Variants in SMIM31 observed in about 807,000 individuals in gnomAD.
SMIM31 encodes small integral membrane protein 31.
intron 2 of SMIM31, among the ~76,000 whole-genome samples, chr4:164,789,905 G>C (rs1284804517): frequency 1.3e-5 from 2 of 152,154 alleles, no homozygotes; most frequent in African/African-American, 4.8e-5. Context: ...GCCTAAAACT[G>C]TTATGTAGAA....
chr4:164,773,640 C>T (rs1197591763), intron 2 of SMIM31, among the ~76,000 whole-genome samples: 1 of 152,114 alleles, frequency 6.6e-6, no homozygotes, highest in Non-Finnish European at 1.5e-5. Context: ...TCCCACAACA[C>T]GTGGGGATTA....
intron 2 of SMIM31, among the ~76,000 whole-genome samples, chr4:164,783,422 G>T (rs544014265): frequency 1.3e-5 from 2 of 150,670 alleles, no homozygotes; most frequent in South Asian, 2.1e-4. Flanking sequence ...TTCTCGGGAG[G>T]CTGAGGCAGG....
intron 1 of SMIM31, among the ~76,000 whole-genome samples, chr4:164,763,852 T>C (rs188570490): frequency 3.0e-4 from 45 of 152,296 alleles, no homozygotes; most frequent in African/African-American, 1.1e-3. Flanking sequence ...CTGTATACAA[T>C]TTTTATTTGC....
chr4:164,781,795 C>A (rs548171016), intron 2 of SMIM31, among the ~76,000 whole-genome samples: 2 of 152,126 alleles, frequency 1.3e-5, no homozygotes, highest in Non-Finnish European at 2.9e-5. Context: ...ATGCTTCCAC[C>A]TATGTAACAT....
Position 164,771,765 on chromosome 4 carries a change from C to T in SMIM31, c.112+1210C>T, listed in dbSNP as rs1053518122. Among the ~76,000 whole-genome samples, 9 of 152,148 alleles carry T rather than the reference C, an allele frequency of 5.9e-5. No homozygotes were observed. The South Asian group carries it at 1.0e-3, about 18-fold the overall frequency. Reference sequence around the variant, plus strand: ...CGGAGGTTGCAGTAATCTGAGATTGCGCCACTGCACTCCAGCCTGAGTGAC... The same window carrying T: ...CGGAGGTTGCAGTAATCTGAGATTGTGCCACTGCACTCCAGCCTGAGTGAC... On this transcript the variant is annotated intron_variant, in intron 2 of 2. Coordinates refer to ENST00000507311, the MANE Select transcript of SMIM31 (RefSeq NM_001352885.1).
chr4:164,775,560 A>G (rs542209173), intron 2 of SMIM31, among the ~76,000 whole-genome samples: 6 of 152,282 alleles, frequency 3.9e-5, no homozygotes, highest in South Asian at 2.1e-4. Context: ...AGCTACTTTG[A>G]TCTCTGGATT....
At chr4:164,786,086 T>G (rs1233335229) in intron 2 of SMIM31, among the ~76,000 whole-genome samples, 1 of 152,162 alleles carries the variant, frequency 6.6e-6, no homozygotes, top group East Asian at 1.9e-4. Context: ...ATCTAAATAT[T>G]ATAACCCTAA....
intron 1 of SMIM31, among the ~76,000 whole-genome samples, chr4:164,754,859 A>C (rs148032264): frequency 8.1e-6 from 1 of 123,282 alleles, no homozygotes; most frequent in Non-Finnish European, 1.7e-5. Flanking sequence ...AATATTTTTA[A>C]GGGATGTAGT....
rs1733318916 is a variant in SMIM31, at chr4:164,803,760, T to C, written c.*2566T>C. 1 of 151,316 alleles carries C rather than the reference T, an allele frequency of 6.6e-6. No homozygotes were observed. Among genetic ancestry groups the C allele is most frequent in the Non-Finnish European group, 1.5e-5 (1 of 67,886 alleles). The allele number at this position is 151,316 out of a possible 1,614,324, so 9.4% of individuals were successfully genotyped here. On this transcript the variant is annotated 3_prime_UTR_variant, in exon 3 of 3. Coordinates refer to ENST00000507311, the MANE Select transcript of SMIM31 (RefSeq NM_001352885.1). Reference sequence around the variant, plus strand: ...TAGTGAGCCAAGATTGCGCCATTGCTCTCCAGCCTGGGGAGCAAATGCAAA... The same window carrying C: ...TAGTGAGCCAAGATTGCGCCATTGCCCTCCAGCCTGGGGAGCAAATGCAAA...
chr4:164,798,230 A>T (rs867428629), intron 2 of SMIM31, among the ~76,000 whole-genome samples: 1,668 of 146,868 alleles, frequency 0.011, 25 homozygotes, highest in African/African-American at 0.038. Context: ...AATGATTTTT[A>T]TTTTTTTTTT....
At chr4:164,770,159 G>A (rs1437176475) in intron 1 of SMIM31, among the ~76,000 whole-genome samples, 1 of 152,126 alleles carries the variant, frequency 6.6e-6, no homozygotes, top group Non-Finnish European at 1.5e-5. Flanking sequence ...AACTCACAAA[G>A]CTGTGTAAAG....
chr4:164,773,029 TAAAA>T (rs56863708), intron 2 of SMIM31, among the ~76,000 whole-genome samples: 8,854 of 76,766 alleles, frequency 0.12, 543 homozygotes, highest in African/African-American at 0.19. Flanking sequence ...CACTTGGCTT[TAAAA>T]AAAAAAAAAA....
intron 2 of SMIM31, among the ~76,000 whole-genome samples, chr4:164,798,795 C>A (rs1733245134): frequency 6.6e-6 from 1 of 152,032 alleles, no homozygotes. Context: ...GAAGGTGGGG[C>A]CCGGTTGGGG....
chr4:164,798,319 C>T (rs1331702545), intron 2 of SMIM31, among the ~76,000 whole-genome samples: 8 of 151,716 alleles, frequency 5.3e-5, no homozygotes, highest in South Asian at 2.1e-4. Context: ...CTGCAAGCTC[C>T]GCCTCCTGGG....
intron 2 of SMIM31, among the ~76,000 whole-genome samples, chr4:164,773,480 T>C (rs955080157): frequency 2.6e-5 from 4 of 152,132 alleles, no homozygotes; most frequent in Non-Finnish European, 4.4e-5. Context: ...AAACATGTCC[T>C]TCTTCATTTA....
At chr4:164,772,672 G>A (rs10003015) in intron 2 of SMIM31, among the ~76,000 whole-genome samples, 11,558 of 144,542 alleles carry the variant, frequency 0.08, 452 homozygotes, top group African/African-American at 0.12. Flanking sequence ...TCCGCCTCCC[G>A]GGTTCACGCC....
chr4:164,786,279 A>G (rs1733024799), intron 2 of SMIM31, among the ~76,000 whole-genome samples: 1 of 152,168 alleles, frequency 6.6e-6, no homozygotes, highest in African/African-American at 2.4e-5. Context: ...GTTTTATGTA[A>G]CAAGTTATAT....
chr4:164,779,835 T>C (rs1732924287), intron 2 of SMIM31, among the ~76,000 whole-genome samples: 1 of 152,228 alleles, frequency 6.6e-6, no homozygotes, highest in Non-Finnish European at 1.5e-5. Context: ...ATTATTAATC[T>C]ATTTAATATG....
chr4:164,794,559 C>G (rs1733162709), intron 2 of SMIM31, among the ~76,000 whole-genome samples: 1 of 152,146 alleles, frequency 6.6e-6, no homozygotes, highest in Non-Finnish European at 1.5e-5. Context: ...GTAATCCCAG[C>G]ACTTTGGGAG....
Sources: gnomAD v4.1 joint callset for allele counts (sites outside exome capture counted in the v4.1 genomes callset) on GRCh38, gnomAD v4.1.1 for gene constraint, MANE v1.5 for transcripts, NCBI Gene and HGNC (gene_info 2026-07-23, HGNC 2026-07-21) for gene names.